CRHR1: variants seen among roughly 807,000 people sequenced by gnomAD.
CRHR1 encodes corticotropin releasing hormone receptor 1, also known as corticotropin-releasing hormone receptor 1.
CRHR1 carries 28 observed loss-of-function variants against 56.0 expected under a neutral mutation model. The observed-to-expected ratio is 0.50, with a 90% CI of 0.37 to 0.69. The LOEUF (loss-of-function observed/expected upper bound fraction) is 0.69. CRHR1 is among the 30% of genes least tolerant of loss of function. The pLI is 0.00. For missense variants in CRHR1, 376 were observed against 548.0 expected (o/e 0.69, Z 3.13); for synonymous variants, 195 against 216.5 (o/e 0.90, Z 0.87).
intron 3 of CRHR1, among the ~76,000 whole-genome samples, chr17:45,820,612 G>T (rs2062019904): frequency 6.6e-6 from 1 of 152,146 alleles, no homozygotes; most frequent in African/African-American, 2.4e-5. Flanking sequence ...CATGGGCCAG[G>T]CTAGGAGCAG....
At chr17:45,803,454 T>C (rs891155856) in intron 1 of CRHR1, among the ~76,000 whole-genome samples, 4 of 152,204 alleles carry the variant, frequency 2.6e-5, no homozygotes, top group East Asian at 3.8e-4. Flanking sequence ...TGGCGTGATC[T>C]CGGCTCACTG....
At chr17:45,792,311 G>A (rs1335841420) in intron 1 of CRHR1, among the ~76,000 whole-genome samples, 4 of 152,038 alleles carry the variant, frequency 2.6e-5, no homozygotes, top group Admixed American at 6.6e-5. Flanking sequence ...CCTTGCCTAC[G>A]CCTCCCAGGT....
intron 4 of CRHR1, 163 bp from the exon 5 acceptor site, chr17:45,829,051 CG>C: frequency 1.6e-6 from 1 of 618,220 alleles, no homozygotes; most frequent in Non-Finnish European, 2.9e-6. Context: ...TCAAACTGGA[CG>C]GCGTTGCTCT....
intron 2 of CRHR1, among the ~76,000 whole-genome samples, chr17:45,813,156 G>A (rs1368117631): frequency 6.6e-6 from 1 of 152,194 alleles, no homozygotes; most frequent in Admixed American, 6.5e-5. Context: ...GCAGTCCCAG[G>A]CCGGGAAGTC....
chr17:45,798,834 G>A (rs1369199511), intron 1 of CRHR1, among the ~76,000 whole-genome samples: 1 of 152,230 alleles, frequency 6.6e-6, no homozygotes, highest in Non-Finnish European at 1.5e-5. Context: ...TTAACTGTAG[G>A]CAGGAGATTT....
intron 4 of CRHR1, among the ~76,000 whole-genome samples, chr17:45,823,503 G>A (rs1269613615): frequency 6.7e-6 from 1 of 150,328 alleles, no homozygotes; most frequent in African/African-American, 2.5e-5. Context: ...CACCTCCCTG[G>A]TTCAAGTGAT....
chr17:45,830,474 T>G lies in CRHR1; in HGVS notation c.613T>G (p.Trp205Gly), dbSNP rs748697265. Reference protein sequence around the residue: ...YNYFHVTNFFWMFGEGCYLHT... With the variant: ...YNYFHVTNFFGMFGEGCYLHT... ...CTACTTCCATGTGACCAACTTCTTC[T>G]GGATGTTCGGCGAGGGCTGCTACCT... Residue 205 changes from tryptophan (W) to glycine (G), a missense_variant, in exon 7 of 13, where the codon TGG (tryptophan) becomes GGG (glycine). Physicochemically the swap from Trp to Gly is radical, Grantham distance 184. This residue lies in a region of CRHR1 where 369 missense variants were observed against 519.5 expected (regional missense o/e 0.71). Transcript: ENST00000314537. 1 of 1,613,674 alleles carries G rather than the reference T, an allele frequency of 6.2e-7. No homozygotes were observed. The highest frequency in any genetic ancestry group is 8.5e-7 in the Non-Finnish European group (1 of 1,179,972).
intron 4 of CRHR1, among the ~76,000 whole-genome samples, chr17:45,825,169 G>A (rs896853967): frequency 5.3e-5 from 8 of 152,172 alleles, no homozygotes; most frequent in East Asian, 3.9e-4. Context: ...CTGGGGTATC[G>A]CAGATAATGG....
At chr17:45,821,661 G>A (rs1025914367) in intron 4 of CRHR1, among the ~76,000 whole-genome samples, 1 of 152,226 alleles carries the variant, frequency 6.6e-6, no homozygotes, top group Non-Finnish European at 1.5e-5. Context: ...GGCTCTGATG[G>A]TGATGAGATG....
intron 1 of CRHR1, among the ~76,000 whole-genome samples, chr17:45,792,776 C>T (rs7209436): frequency 0.44 from 67,183 of 152,008 alleles, 16,128 homozygotes; most frequent in East Asian, 0.89. Flanking sequence ...GGTCTTACAG[C>T]TCTTTGATGT....
intron 2 of CRHR1, among the ~76,000 whole-genome samples, chr17:45,811,632 G>T (rs1378273065): frequency 6.6e-6 from 1 of 152,138 alleles, no homozygotes; most frequent in Non-Finnish European, 1.5e-5. Flanking sequence ...TGATAGGAAC[G>T]TTGACACCTC....
chr17:45,817,624 T>A (rs739645), intron 3 of CRHR1, among the ~76,000 whole-genome samples: 1 of 151,716 alleles, frequency 6.6e-6, no homozygotes, highest in African/African-American at 2.4e-5. Flanking sequence ...GGATTTGGGG[T>A]GTTAAGGTTG....
Position 45,829,493 on chromosome 17 carries a change from G to A in CRHR1, c.434+172G>A, listed in dbSNP as rs2062243120. ...TGGGAACCTCTGGCAGAGCCGCTCTGCCCTCTCCCCAGTAGCTGCTGGAAT... is the reference window on the plus strand; with the variant it reads ...TGGGAACCTCTGGCAGAGCCGCTCTACCCTCTCCCCAGTAGCTGCTGGAAT... On this transcript the variant is annotated intron_variant, in intron 5 of 12. Transcript: ENST00000314537. 8 of 1,463,744 alleles carry A rather than the reference G, an allele frequency of 5.5e-6. No homozygotes were observed. In the South Asian group the frequency reaches 9.9e-5, roughly 18 times the overall value. 90.7% of individuals were successfully genotyped at this position (1,463,744 alleles called of 1,614,324 possible).
rs1568077285 is a variant in CRHR1 at position 45,835,071 on chromosome 17, A to G, written c.*307A>G. The G allele has an allele frequency of 2.4e-6, 1 of 415,396 alleles. No individual in the cohort carries two copies. Among genetic ancestry groups the G allele is most frequent in the South Asian group, 4.6e-5 (1 of 21,676 alleles). The allele number at this position is 415,396 out of a possible 1,614,324, so 25.7% of individuals were successfully genotyped here. ...GCGCTGGACACCTACAGCAGCACGC[A>G]TGTCCCTCCAAGGCTGTCTTCTCCC... On this transcript the variant is annotated 3_prime_UTR_variant, in exon 13 of 13. Coordinates refer to ENST00000314537, the MANE Select transcript of CRHR1 (RefSeq NM_004382.5).
At chr17:45,813,629 A>G (rs2061869224) in intron 2 of CRHR1, among the ~76,000 whole-genome samples, 2 of 152,218 alleles carry the variant, frequency 1.3e-5, no homozygotes. Context: ...GCAGCTGCCC[A>G]GATCAGGGCC....
At chr17:45,788,015 C>T (rs2146251087) in intron 1 of CRHR1, among the ~76,000 whole-genome samples, 1 of 151,692 alleles carries the variant, frequency 6.6e-6, no homozygotes, top group East Asian at 1.9e-4. Flanking sequence ...AACACTCACC[C>T]AGAGCCAGTG....
At position 45,784,691 on chromosome 17, in the gene CRHR1, A is replaced by C. The variant is rs1279238003; in HGVS notation, c.33+114A>C. On this transcript the variant is annotated intron_variant, in intron 1 of 12. Transcript: ENST00000314537. The surrounding 1 kb of genome is among the most constrained non-coding windows in gnomAD (Gnocchi z 4.2). ...CGGGGGCGCTGGGAGAGCCGTGCTT[A>C]GGTCGGGGAAGGCTGGGCTCCGGGG... 1.7e-5 allele frequency: 19 copies of C among 1,125,506 alleles called. No individual in the cohort carries two copies. Among genetic ancestry groups the C allele is most frequent in the Non-Finnish European group, 2.1e-5 (18 of 840,908 alleles). The allele number at this position is 1,125,506 out of a possible 1,614,324, so 69.7% of individuals were successfully genotyped here. A position where few individuals can be genotyped will look rare whatever the true frequency, so the allele number is the denominator to read the frequency against.
At chr17:45,823,001 G>C (rs772605601) in intron 4 of CRHR1, among the ~76,000 whole-genome samples, 4 of 151,016 alleles carry the variant, frequency 2.6e-5, no homozygotes, top group African/African-American at 9.8e-5. Flanking sequence ...AAAATTAGCC[G>C]AGCATGGTGG....
At chr17:45,812,466 C>T (rs978669911) in intron 2 of CRHR1, among the ~76,000 whole-genome samples, 4 of 152,166 alleles carry the variant, frequency 2.6e-5, no homozygotes, top group Admixed American at 6.5e-5. Flanking sequence ...AGGACTATGA[C>T]GGCTGACTAG....
Sources: gnomAD v4.1 joint callset for allele counts (sites outside exome capture counted in the v4.1 genomes callset) on GRCh38, gnomAD v4.1.1 for gene constraint, gnomAD v4.1.1 regional missense constraint, Gnocchi (gnomAD v3.1) non-coding constraint, MANE v1.5 for transcripts, NCBI Gene and HGNC (gene_info 2026-07-23, HGNC 2026-07-21) for gene names.